Variants in APOL5 observed in about 807,000 individuals in gnomAD.
APOL5 encodes the protein apolipoprotein L5, also known as apolipoprotein L, 5.
Under a neutral mutation model 35.5 loss-of-function variants are expected in APOL5, and 29 were observed. The observed-to-expected ratio is 0.82, with a 90% CI of 0.61 to 1.11. The LOEUF is 1.11. Among genes scored for constraint, APOL5 ranks in the 50% most tolerant of loss-of-function variants. The pLI is 0.00. For synonymous variants in APOL5, 188 were observed against 200.2 expected (o/e 0.94, Z 0.51); for missense variants, 514 against 530.4 (o/e 0.97, Z 0.30).
intron 1 of APOL5, 141 bp from the exon 2 acceptor site, chr22:35,720,427 A>G: frequency 1.5e-6 from 1 of 653,404 alleles, no homozygotes. Context: ...TTTCTGAGAC[A>G]TTAAGATTTT....
chr22:35,714,034 G>C (rs1351510285), upstream of APOL5, among the ~76,000 whole-genome samples: 1 of 152,102 alleles, frequency 6.6e-6, no homozygotes, highest in Non-Finnish European at 1.5e-5. Flanking sequence ...TGTGTTGGCC[G>C]GGCGCGGTGG....
At chr22:35,723,197 C>T (rs1927033859) in intron 2 of APOL5, among the ~76,000 whole-genome samples, 1 of 152,110 alleles carries the variant, frequency 6.6e-6, no homozygotes, top group Non-Finnish European at 1.5e-5. Context: ...GTACAGTTTG[C>T]CCACAGCCTT....
At chr22:35,711,598 T>TC in the APOL5 span, among the ~76,000 whole-genome samples, 3 of 95,840 alleles carry the variant, frequency 3.1e-5, no homozygotes, top group Admixed American at 2.8e-4. Context: ...TTCACCATGT[T>TC]TTTCCTTCCT....
chr22:35,710,729 C>T, the APOL5 span, among the ~76,000 whole-genome samples: 1 of 152,128 alleles, frequency 6.6e-6, no homozygotes, highest in Non-Finnish European at 1.5e-5. Context: ...CCCTGGCAAC[C>T]ACGACTCTGC....
At chr22:35,715,177 TG>T (rs1406552588), upstream of APOL5, among the ~76,000 whole-genome samples, 1 of 152,174 alleles carries the variant, frequency 6.6e-6, no homozygotes, top group Non-Finnish European at 1.5e-5. Context: ...ACCCAGAACC[TG>T]TCCAGTGGTT....
chr22:35,720,679 T>C, intron 2 of APOL5, 25 bp downstream of exon 2: 1 of 1,500,176 alleles, frequency 6.7e-7, no homozygotes, highest in Non-Finnish European at 9.3e-7. Context: ...CAGGCTGTTA[T>C]GCTTATGGCC....
chr22:35,726,836 G>T lies in APOL5; in HGVS notation c.768G>T (p.Met256Ile). ...TGGCCAAATCCAACTCTGGCTTCATGGCTATGGTCAAGAATTTTGTGGCCA... is the reference window on the plus strand; with the variant it reads ...TGGCCAAATCCAACTCTGGCTTCATTGCTATGGTCAAGAATTTTGTGGCCA... ...YQMAKSNSGF[M>I]AMVKNFVAKR... Residue 256 changes from methionine to isoleucine, a missense_variant, in exon 3 of 5, where the codon ATG becomes ATT. By Grantham distance (10) the Met-to-Ile change is conservative. Coordinates refer to ENST00000249044, the MANE Select transcript of APOL5 (RefSeq NM_030642.1). 8 of 1,614,208 alleles carry T rather than the reference G, an allele frequency of 5.0e-6. No individual in the cohort carries two copies. The highest frequency in any genetic ancestry group is 6.8e-6 in the Non-Finnish European group (8 of 1,180,044).
At position 35,721,760 on chromosome 22, in the gene APOL5, G is replaced by A. The variant is rs184559546; in HGVS notation, c.142+1106G>A. 5.3e-5 allele frequency among the ~76,000 whole-genome samples: 8 copies of A among 152,094 alleles called. No homozygotes were observed. The South Asian group carries it at 6.2e-4, about 12-fold the overall frequency. ...CCAAGCTCCTGGGACTTCCCTTTCC[G>A]TTGCCTTGGCCTGGGCATTCAGACT... On this transcript the variant is annotated intron_variant, in intron 2 of 4. Transcript: ENST00000249044.
the APOL5 span, among the ~76,000 whole-genome samples, chr22:35,709,430 C>T: frequency 3.9e-5 from 6 of 152,156 alleles, no homozygotes; most frequent in East Asian, 7.7e-4. Flanking sequence ...CTATTGTAGG[C>T]GCCAGTCTGT....
chr22:35,718,446 T>G (rs1335625962), intron 1 of APOL5, among the ~76,000 whole-genome samples: 2 of 149,850 alleles, frequency 1.3e-5, no homozygotes, highest in African/African-American at 4.9e-5. Context: ...GGTGAAACCC[T>G]GTCTCTATTA....
chr22:35,712,066 G>A, the APOL5 span, among the ~76,000 whole-genome samples: 1 of 152,124 alleles, frequency 6.6e-6, no homozygotes, highest in African/African-American at 2.4e-5. Flanking sequence ...GAGTGCAGTG[G>A]TGCTATCATG....
upstream of APOL5, among the ~76,000 whole-genome samples, chr22:35,714,941 G>A (rs1002417224): frequency 2.6e-5 from 4 of 152,220 alleles, no homozygotes; most frequent in Admixed American, 2.6e-4. Context: ...GAGAAGGGTA[G>A]TTCTTTCTCG....
chr22:35,716,303 C>T (rs1323107623), upstream of APOL5, among the ~76,000 whole-genome samples: 3 of 152,158 alleles, frequency 2.0e-5, no homozygotes. Context: ...GACAGAGTCT[C>T]GCTCTGTCAC....
At chr22:35,724,949 T>C (rs1927099174) in intron 2 of APOL5, among the ~76,000 whole-genome samples, 1 of 152,008 alleles carries the variant, frequency 6.6e-6, no homozygotes. Context: ...TGTTTGTGGA[T>C]GAATGGAATA....
rs1304856905 is a variant in APOL5, at chr22:35,728,760, C to A, written c.1164C>A (p.His388Gln). The A allele has an allele frequency of 1.2e-6, 2 of 1,613,292 alleles. No individual in the cohort carries two copies. Among genetic ancestry groups the A allele is most frequent in the African/African-American group, 2.7e-5 (2 of 74,912 alleles). The part of the protein sequence containing the change: ...RSPLPWPVVE[H>Q]QPRLGPGVAL... ...CTCTCCCCTGGCCTGTTGTGGAGCACCAGCCTAGGCTGGGCCCTGGCGTGG... is the reference window on the plus strand; with the variant it reads ...CTCTCCCCTGGCCTGTTGTGGAGCAACAGCCTAGGCTGGGCCCTGGCGTGG... The change falls in exon 4 of 5, where the codon CAC becomes CAA. Residue 388 changes from histidine to glutamine, a missense_variant. This residue lies in a region of APOL5 where 238 missense variants were observed against 229.1 expected (regional missense o/e 1.04). Transcript: ENST00000249044.
chr22:35,709,203 T>A, the APOL5 span, among the ~76,000 whole-genome samples: 1 of 152,210 alleles, frequency 6.6e-6, no homozygotes, highest in Non-Finnish European at 1.5e-5. Context: ...ATATGCAGGT[T>A]TTGAATAAAA....
Position 35,726,411 on chromosome 22 carries a change from CA to C in APOL5, c.344del (p.Gln115ArgfsTer37). On this transcript the variant is annotated frameshift_variant, in exon 3 of 5. Transcript: ENST00000249044. LOFTEE classifies it high-confidence loss of function. ...TCCTTTGCACAAGTTTGAGCTAGAA[CA>C]GAACATCAAAGAACTTAACACCCTT... The part of the protein sequence containing the change: ...YFPLHKFELE[Q>X]NIKELNTLAD... The C allele has an allele frequency of 6.2e-7, 1 of 1,614,140 alleles. No homozygotes were observed. Among genetic ancestry groups the C allele is most frequent in the Non-Finnish European group, 8.5e-7 (1 of 1,180,044 alleles).
In APOL5 at chr22:35,726,508, T is replaced by C. The variant is rs981750016; in HGVS notation, c.440T>C (p.Val147Ala). Reference sequence around the variant, plus strand: ...CTGGTGGCCAGCTCTTCCGGGGCTGTTTCTGGGGTCATGAACATCCTGGGT... The same window carrying C: ...CTGGTGGCCAGCTCTTCCGGGGCTGCTTCTGGGGTCATGAACATCCTGGGT... ...TSLVASSSGA[V>A]SGVMNILGLA... The change falls in exon 3 of 5, where the codon GTT becomes GCT. Residue 147 changes from valine (V) to alanine (A), a missense_variant. Physicochemically the swap from Val to Ala is moderately conservative, Grantham distance 64. Coordinates refer to ENST00000249044, the MANE Select transcript of APOL5 (RefSeq NM_030642.1). 6.2e-7 allele frequency: 1 copy of C among 1,614,170 alleles called. No homozygotes were observed. Among genetic ancestry groups the C allele is most frequent in the Non-Finnish European group, 8.5e-7 (1 of 1,180,022 alleles).
chr22:35,719,754 C>T (rs113435453), intron 1 of APOL5, among the ~76,000 whole-genome samples: 1,646 of 152,182 alleles, frequency 0.011, 22 homozygotes, highest in African/African-American at 0.038. Context: ...TTTGCAGCTC[C>T]CGAGCCCCAG....
Sources: gnomAD v4.1 joint callset for allele counts (sites outside exome capture counted in the v4.1 genomes callset) on GRCh38, gnomAD v4.1.1 for gene constraint, gnomAD v4.1.1 regional missense constraint, MANE v1.5 for transcripts, NCBI Gene and HGNC (gene_info 2026-07-23, HGNC 2026-07-21) for gene names.